THEMIS: variants seen among roughly 807,000 people sequenced by gnomAD.
The protein encoded by THEMIS is thymocyte selection associated.
THEMIS carries 37 observed loss-of-function variants against 52.6 expected under a neutral mutation model. That is an observed-to-expected ratio of 0.70 (90% CI 0.54 to 0.93). THEMIS has a LOEUF of 0.93. THEMIS is among the 40% of genes least tolerant of loss of function. The probability of loss-of-function intolerance (pLI) is 0.00; values close to 1 mark genes in which losing one functional copy is unlikely to be tolerated. For missense variants in THEMIS, 808 were observed against 763.1 expected (o/e 1.06, Z -0.69); for synonymous variants, 292 against 272.7 (o/e 1.07, Z -0.70).
chr6:127,814,780 C>T (rs191650347), intron 3 of THEMIS, among the ~76,000 whole-genome samples: 2 of 152,272 alleles, frequency 1.3e-5, no homozygotes, highest in South Asian at 2.1e-4. Flanking sequence ...TACAGAGATG[C>T]TTAAAATATT....
intron 1 of THEMIS, among the ~76,000 whole-genome samples, chr6:127,882,612 T>A (rs956861590): frequency 2.0e-5 from 3 of 151,898 alleles, no homozygotes; most frequent in Non-Finnish European, 4.4e-5. Context: ...ATACTGGTGC[T>A]CTCTTTCCAT....
In THEMIS at chr6:127,813,661, A is replaced by T; in HGVS notation, c.980T>A (p.Phe327Tyr). The change falls in exon 4 of 6, where the codon TTT (phenylalanine) becomes TAT (tyrosine). Residue 327 changes from phenylalanine to tyrosine, a missense_variant. Physicochemically the swap from Phe to Tyr is conservative, Grantham distance 22. Transcript: ENST00000368248. ...GGGGATCAAGAAGTGTCTTTTAGGAAAATTGCTTCTAATTTCTGAAGCTAA... is the reference window on the plus strand; with the variant it reads ...GGGGATCAAGAAGTGTCTTTTAGGATAATTGCTTCTAATTTCTGAAGCTAA... ...RILASEIRSN[F>Y]PKRHFLIPTS... The T allele has an allele frequency of 6.2e-7, 1 of 1,614,082 alleles. No individual in the cohort carries two copies.
At chr6:127,828,939 C>T (rs1228622871) in intron 3 of THEMIS, among the ~76,000 whole-genome samples, 1 of 152,074 alleles carries the variant, frequency 6.6e-6, no homozygotes, top group Non-Finnish European at 1.5e-5. Flanking sequence ...AAAAACACCA[C>T]GCCTATGTGT....
intron 4 of THEMIS, among the ~76,000 whole-genome samples, chr6:127,798,693 T>A (rs1193792613): frequency 6.6e-6 from 1 of 152,054 alleles, no homozygotes; most frequent in Non-Finnish European, 1.5e-5. Context: ...AAAATTCCAA[T>A]TGAAAAATTA....
At chr6:127,767,061 A>G (rs964172184) in intron 4 of THEMIS, among the ~76,000 whole-genome samples, 1 of 152,118 alleles carries the variant, frequency 6.6e-6, no homozygotes, top group Non-Finnish European at 1.5e-5. Flanking sequence ...AAATGCAAAT[A>G]TGCTGTACAG....
intron 4 of THEMIS, among the ~76,000 whole-genome samples, chr6:127,768,421 CA>C (rs772083245): frequency 6.6e-6 from 1 of 152,120 alleles, no homozygotes; most frequent in Non-Finnish European, 1.5e-5. Flanking sequence ...ATTTTTGCTT[CA>C]TCATCAGTTT....
At chr6:127,862,585 A>G (rs1016891350) in intron 1 of THEMIS, among the ~76,000 whole-genome samples, 19 of 151,380 alleles carry the variant, frequency 1.3e-4, no homozygotes, top group Non-Finnish European at 2.1e-4. Context: ...ACGCCCAGAT[A>G]ATTTTTGTAT....
intron 4 of THEMIS, among the ~76,000 whole-genome samples, chr6:127,787,763 T>A (rs1777002051): frequency 1.3e-5 from 2 of 151,992 alleles, no homozygotes; most frequent in African/African-American, 2.4e-5. Flanking sequence ...GTCTACTAAC[T>A]ATATTTATAA....
At chr6:127,768,842 G>A (rs916345488) in intron 4 of THEMIS, among the ~76,000 whole-genome samples, 1 of 152,092 alleles carries the variant, frequency 6.6e-6, no homozygotes, top group Admixed American at 6.5e-5. Context: ...CTTTGCTTTC[G>A]ATGAACAGGC....
chr6:127,847,852 AAG>A lies in THEMIS; in HGVS notation c.250+7176_250+7177del, dbSNP rs1406791030. 2.6e-5 allele frequency among the ~76,000 whole-genome samples: 4 copies of A among 151,252 alleles called. No individual in the cohort carries two copies. The East Asian group carries it at 7.8e-4, about 30-fold the overall frequency. On this transcript the variant is annotated intron_variant, in intron 2 of 5. Coordinates refer to ENST00000368248, the MANE Select transcript of THEMIS (RefSeq NM_001010923.3). ...CAGAGCCAAAGCAATACTAACCAAAAAGAACAGATCTGGAGGGATCACGTTAC... is the reference window on the plus strand; with the variant it reads ...CAGAGCCAAAGCAATACTAACCAAAAAACAGATCTGGAGGGATCACGTTAC...
intron 5 of THEMIS, among the ~76,000 whole-genome samples, chr6:127,712,253 A>T (rs1291120503): frequency 1.3e-5 from 2 of 151,898 alleles, no homozygotes; most frequent in African/African-American, 4.8e-5. Context: ...TGGGATTTAA[A>T]CAATCTTAGT....
At chr6:127,698,481 C>T in the THEMIS span, among the ~76,000 whole-genome samples, 1 of 151,844 alleles carries the variant, frequency 6.6e-6, no homozygotes, top group South Asian at 2.1e-4. Context: ...GTTTCAGAGG[C>T]CATATTAAAA....
chr6:127,876,660 AG>A (rs1780322178), intron 1 of THEMIS, among the ~76,000 whole-genome samples: 3 of 152,328 alleles, frequency 2.0e-5, no homozygotes, highest in Admixed American at 2.0e-4. Flanking sequence ...AAGCAGGTAA[AG>A]GAAAGTCAGG....
At chr6:127,901,481 G>A (rs156065), upstream of THEMIS, among the ~76,000 whole-genome samples, 66,811 of 151,884 alleles carry the variant, frequency 0.44, 16,181 homozygotes, top group Non-Finnish European at 0.57. Context: ...AGTGCTTTGC[G>A]TCAGCTCTTT....
At chr6:127,731,070 A>T (rs931174703) in intron 4 of THEMIS, among the ~76,000 whole-genome samples, 1 of 152,236 alleles carries the variant, frequency 6.6e-6, no homozygotes, top group South Asian at 2.1e-4. Flanking sequence ...TAAATTAGGC[A>T]TATTTAGTAC....
At chr6:127,720,189 C>T (rs1459606061) in intron 4 of THEMIS, among the ~76,000 whole-genome samples, 2 of 151,824 alleles carry the variant, frequency 1.3e-5, no homozygotes, top group African/African-American at 4.8e-5. Flanking sequence ...TACATAATTA[C>T]ATATTATATA....
At chr6:127,800,333 A>C (rs1327242121) in intron 4 of THEMIS, among the ~76,000 whole-genome samples, 1 of 152,066 alleles carries the variant, frequency 6.6e-6, no homozygotes, top group African/African-American at 2.4e-5. Context: ...TTCTTCTCTC[A>C]TGGGCTACCC....
chr6:127,704,074 C>T (rs1773768482), downstream of THEMIS, among the ~76,000 whole-genome samples: 1 of 152,164 alleles, frequency 6.6e-6, no homozygotes, highest in Admixed American at 6.5e-5. Flanking sequence ...GACTTAATTA[C>T]TTCTTAAAAG....
intron 4 of THEMIS, among the ~76,000 whole-genome samples, chr6:127,785,804 C>T (rs1776929039): frequency 6.6e-6 from 1 of 151,850 alleles, no homozygotes; most frequent in Non-Finnish European, 1.5e-5. Context: ...ATATTAATAG[C>T]ATTTAGAAAA....
Sources: allele counts gnomAD v4.1 joint callset (sites outside exome capture counted in the v4.1 genomes callset), GRCh38; gene constraint gnomAD v4.1.1; transcripts MANE v1.5; gene names NCBI Gene and HGNC (gene_info 2026-07-23, HGNC 2026-07-21).